NSG2: variants seen among roughly 807,000 people sequenced by gnomAD.
NSG2 encodes the protein neuronal vesicle trafficking associated 2.
A neutral mutation model predicts 16.9 loss-of-function variants in NSG2; 4 were observed. The observed-to-expected ratio is 0.24, with a 90% CI of 0.12 to 0.54. The LOEUF is 0.54. Ranked by LOEUF, NSG2 falls within the 20% of genes least tolerant of loss-of-function variation. The pLI, the probability that NSG2 is intolerant of heterozygous loss-of-function variation, is 0.95. For missense variants in NSG2, 179 were observed against 221.1 expected, an observed-to-expected ratio of 0.81 and a Z score of 1.21; for synonymous variants, 98 against 88.7, an observed-to-expected ratio of 1.11 and a Z score of -0.59.
At chr5:174,058,198 T>A (rs1185856404) in intron 2 of NSG2, among the ~76,000 whole-genome samples, 2 of 152,124 alleles carry the variant, frequency 1.3e-5, no homozygotes, top group Non-Finnish European at 2.9e-5. Context: ...CAAGGGTGAA[T>A]GTTCAGTAGG....
At chr5:174,068,181 C>A (rs1027774109) in intron 3 of NSG2, among the ~76,000 whole-genome samples, 1 of 152,136 alleles carries the variant, frequency 6.6e-6, no homozygotes, top group African/African-American at 2.4e-5. Context: ...GGATCTGGGA[C>A]AGCTTGTGAT....
intron 2 of NSG2, among the ~76,000 whole-genome samples, chr5:174,052,890 A>G: frequency 6.6e-6 from 1 of 152,182 alleles, no homozygotes; most frequent in East Asian, 1.9e-4. Context: ...GGGAACCATA[A>G]TCGGCAAGTC....
intron 3 of NSG2, among the ~76,000 whole-genome samples, chr5:174,070,771 T>A (rs1760224860): frequency 6.6e-6 from 1 of 152,186 alleles, no homozygotes; most frequent in Non-Finnish European, 1.5e-5. Context: ...TGAGGCCTCC[T>A]TTCCCACTGT....
intron 2 of NSG2, among the ~76,000 whole-genome samples, chr5:174,055,376 G>A (rs1363963390): frequency 6.6e-6 from 1 of 152,070 alleles, no homozygotes; most frequent in Non-Finnish European, 1.5e-5. Flanking sequence ...GGCGGATCAC[G>A]AGGTCAGGAG....
Position 174,072,337 on chromosome 5 carries a change from T to C in NSG2, c.213+8022T>C, listed in dbSNP as rs575754408. Among the ~76,000 whole-genome samples, 2 of 152,354 alleles carry C rather than the reference T, an allele frequency of 1.3e-5. No homozygotes were observed. Among genetic ancestry groups the C allele is most frequent in the Admixed American group, 6.5e-5 (1 of 15,312 alleles). ...CCTCCCAGAAGCAGTGGCCCTTCCC[T>C]CATGATCCTGTCCATTGGATGTCTC... On this transcript the variant is annotated intron_variant, in intron 3 of 4. Coordinates refer to ENST00000303177, the MANE Select transcript of NSG2 (RefSeq NM_015980.5). The surrounding 1 kb of genome is among the most constrained non-coding windows in gnomAD (Gnocchi z 4.0).
chr5:174,091,355 G>T (rs907099544), intron 3 of NSG2: 2 of 152,510 alleles, frequency 1.3e-5, no homozygotes, highest in African/African-American at 2.4e-5. Context: ...TGTGCCCTTT[G>T]TGCAGGCCCA....
chr5:174,094,132 T>A (rs1225277587), intron 3 of NSG2, among the ~76,000 whole-genome samples: 1 of 152,230 alleles, frequency 6.6e-6, no homozygotes, highest in African/African-American at 2.4e-5. Flanking sequence ...TAGAATGAGA[T>A]ACTCTAGAGT....
chr5:174,048,698 C>A lies in NSG2; in HGVS notation c.129+1814C>A, dbSNP rs553787661. 1.9e-4 allele frequency among the ~76,000 whole-genome samples: 29 copies of A among 152,286 alleles called. 1 individual carries two copies. The East Asian group carries it at 5.6e-3, about 29-fold the overall frequency. On this transcript the variant is annotated intron_variant, in intron 2 of 4. Coordinates refer to ENST00000303177, the MANE Select transcript of NSG2 (RefSeq NM_015980.5). ...CAGGTCATCTAGAGATTATCATGGT[C>A]TCTGTCCCCCCTTACTCTCCCACCC...
intron 3 of NSG2, among the ~76,000 whole-genome samples, chr5:174,075,311 A>G (rs1760319947): frequency 1.3e-5 from 2 of 152,120 alleles, no homozygotes. Context: ...CCAGAGCGGT[A>G]TGTGCACCGA....
At chr5:174,084,095 A>G (rs966417343) in intron 3 of NSG2, 1 of 152,188 alleles carries the variant, frequency 6.6e-6, no homozygotes, top group African/African-American at 2.4e-5. Context: ...CACTGTTAAC[A>G]TACCTGCCTC....
At chr5:174,055,827 T>TCC (rs1431134402) in intron 2 of NSG2, among the ~76,000 whole-genome samples, 3 of 152,140 alleles carry the variant, frequency 2.0e-5, no homozygotes, top group African/African-American at 7.2e-5. Context: ...CAAATCCCTT[T>TCC]CCCGCTCTAT....
rs1181730079 is a variant in NSG2 at position 174,072,636 on chromosome 5, A to G, written c.213+8321A>G. On this transcript the variant is annotated intron_variant, in intron 3 of 4. Coordinates refer to ENST00000303177, the MANE Select transcript of NSG2 (RefSeq NM_015980.5). This position sits in a 1 kb window ranked among gnomAD's most constrained non-coding sequence, Gnocchi z 4.0. Reference sequence around the variant, plus strand: ...CAGGAGCTCTTGTACCCTTCTCTGTACCCTAAGAAGCTAGCCAGCACCTGG... The same window carrying G: ...CAGGAGCTCTTGTACCCTTCTCTGTGCCCTAAGAAGCTAGCCAGCACCTGG... Among the ~76,000 whole-genome samples the G allele has an allele frequency of 1.3e-5, 2 of 152,190 alleles. No homozygotes were observed. The highest frequency in any genetic ancestry group is 2.9e-5 in the Non-Finnish European group (2 of 68,030).
At position 174,097,717 on chromosome 5, in the gene NSG2, TTGTCTC is replaced by T. The variant is rs774175763; in HGVS notation, c.214-6507_214-6502del. Among the ~76,000 whole-genome samples, 6 of 148,474 alleles carry T rather than the reference TTGTCTC, an allele frequency of 4.0e-5. No individual in the cohort carries two copies. The East Asian group carries it at 8.1e-4, about 20-fold the overall frequency. On this transcript the variant is annotated intron_variant, in intron 3 of 4. Coordinates refer to ENST00000303177, the MANE Select transcript of NSG2 (RefSeq NM_015980.5). ...ACTGTGTGTGTCTTTTTGTGTGTGT[TTGTCTC>T]TGTGTGTGTCTCTGTGTCTGTGTGT...
In NSG2 at chr5:174,089,707, T is replaced by G. The variant is rs374704472; in HGVS notation, c.214-14521T>G. On this transcript the variant is annotated intron_variant, in intron 3 of 4. Transcript: ENST00000303177. ...CGACTCACTGTAGCCTCAAACTCCC[T>G]GGGCTCAAGTGATCCTCCCAGCTCA... Among the ~76,000 whole-genome samples the G allele has an allele frequency of 2.6e-4, 39 of 152,256 alleles. 1 individual carries two copies. The highest frequency in any genetic ancestry group is 9.1e-4 in the African/African-American group (38 of 41,550).
Position 174,078,440 on chromosome 5 carries a change from C to A in NSG2, c.213+14125C>A, listed in dbSNP as rs149568239. Among the ~76,000 whole-genome samples the A allele has an allele frequency of 1.5e-4, 23 of 152,286 alleles. No individual in the cohort carries two copies. In the Middle Eastern group the frequency reaches 0.01, roughly 68 times the overall value. On this transcript the variant is annotated intron_variant, in intron 3 of 4. Transcript: ENST00000303177. ...ACATCAGCACATTGAGATCCTTTTT[C>A]TTCCTGTTAATGGTTGTAGACAGAG...
At chr5:174,075,147 A>G (rs1028442417) in intron 3 of NSG2, among the ~76,000 whole-genome samples, 1 of 152,226 alleles carries the variant, frequency 6.6e-6, no homozygotes, top group Non-Finnish European at 1.5e-5. Context: ...TATGTGCCAG[A>G]TAGCCTGTGA....
At chr5:174,080,545 CTCTCTTTCTTT>C (rs1464702233) in intron 3 of NSG2, among the ~76,000 whole-genome samples, 15 of 145,674 alleles carry the variant, frequency 1.0e-4, no homozygotes, top group Non-Finnish European at 1.9e-4. Flanking sequence ...CTCTCTCTCT[CTCTCTTTCTTT>C]TCTTTCTTTT....
At chr5:174,049,286 G>A (rs1223517907) in intron 2 of NSG2, among the ~76,000 whole-genome samples, 1 of 152,240 alleles carries the variant, frequency 6.6e-6, no homozygotes, top group Non-Finnish European at 1.5e-5. Flanking sequence ...CTTGCAGTGA[G>A]CTGAGATTGT....
intron 3 of NSG2, among the ~76,000 whole-genome samples, chr5:174,081,887 CA>C (rs60742273): frequency 0.17 from 12,199 of 70,268 alleles, 614 homozygotes; most frequent in African/African-American, 0.32. Context: ...GACTCCGACT[CA>C]AAAAAAAAAA....
Sources: gnomAD v4.1 joint callset for allele counts (sites outside exome capture counted in the v4.1 genomes callset) on GRCh38, gnomAD v4.1.1 for gene constraint, Gnocchi (gnomAD v3.1) non-coding constraint, MANE v1.5 for transcripts, NCBI Gene and HGNC (gene_info 2026-07-23, HGNC 2026-07-21) for gene names.